Variants in ATP8A2 observed in about 807,000 individuals in gnomAD.
The protein encoded by ATP8A2 is phospholipid-transporting ATPase IB.
In ATP8A2, 100 loss-of-function variants were observed where a neutral mutation model predicts 165.6. The observed-to-expected ratio is 0.60, with a 90% confidence interval of 0.51 to 0.71. ATP8A2 has a LOEUF of 0.71. Among genes scored for constraint, ATP8A2 ranks in the 30% least tolerant of loss-of-function variants. ATP8A2 has a pLI of 0.00. For synonymous variants in ATP8A2, 543 were observed against 548.8 expected, an observed-to-expected ratio of 0.99 and a Z score of 0.15; for missense variants, 1,227 against 1,479.5, an observed-to-expected ratio of 0.83 and a Z score of 2.80.
At chr13:25,642,040 G>C (rs9511853) in intron 24 of ATP8A2, among the ~76,000 whole-genome samples, 150,673 of 152,328 alleles carry the variant, frequency 0.99, 74,530 homozygotes, top group East Asian at 1. Context: ...GGAAAACTGG[G>C]TAGCCATATG....
intron 33 of ATP8A2, among the ~76,000 whole-genome samples, chr13:25,955,407 G>T (rs1444138576): frequency 6.6e-6 from 1 of 151,922 alleles, no homozygotes; most frequent in Non-Finnish European, 1.5e-5. Flanking sequence ...AAAGAGAGAA[G>T]AATCAAATAG....
At chr13:25,651,589 G>A (rs1170172252) in intron 24 of ATP8A2, among the ~76,000 whole-genome samples, 1 of 151,656 alleles carries the variant, frequency 6.6e-6, no homozygotes, top group Non-Finnish European at 1.5e-5. Flanking sequence ...TATGACTATA[G>A]CATCTCTCAG....
chr13:25,470,629 A>C (rs1299704042), intron 2 of ATP8A2, among the ~76,000 whole-genome samples: 1 of 152,226 alleles, frequency 6.6e-6, no homozygotes, highest in Non-Finnish European at 1.5e-5. Flanking sequence ...AGAGAAATGA[A>C]AACCTACGTC....
rs546940389 is a variant in ATP8A2, at chr13:25,933,567, A to G, written c.3184-28008A>G. ...TGACAGCAGTGATCGTGATTACACT[A>G]GGACGTAGGTAGGTGCCTATCAGTC... On this transcript the variant is annotated intron_variant, in intron 33 of 36. Transcript: ENST00000381655. Among the ~76,000 whole-genome samples the G allele has an allele frequency of 4.6e-5, 7 of 152,342 alleles. 1 individual carries two copies. Among genetic ancestry groups the G allele is most frequent in the South Asian group, 4.1e-4 (2 of 4,826 alleles).
At chr13:25,719,595 G>T (rs3132355) in intron 25 of ATP8A2, among the ~76,000 whole-genome samples, 36,844 of 152,094 alleles carry the variant, frequency 0.24, 6,702 homozygotes, top group African/African-American at 0.51. Flanking sequence ...TTTGAGATGA[G>T]ATGGCAGATA....
chr13:25,850,356 C>T (rs1310270823), intron 30 of ATP8A2, among the ~76,000 whole-genome samples: 1 of 151,984 alleles, frequency 6.6e-6, no homozygotes, highest in Non-Finnish European at 1.5e-5. Context: ...TACATTTGAC[C>T]CCTGCTGACC....
intron 33 of ATP8A2, among the ~76,000 whole-genome samples, chr13:25,924,978 A>G (rs1343497464): frequency 6.6e-6 from 1 of 152,174 alleles, no homozygotes; most frequent in Non-Finnish European, 1.5e-5. Context: ...TGAGTCCGTT[A>G]AACCTCTTTT....
chr13:25,465,943 T>C lies in ATP8A2; in HGVS notation c.77-3034T>C, dbSNP rs546972374. Among the ~76,000 whole-genome samples, 8 of 151,774 alleles carry C rather than the reference T, an allele frequency of 5.3e-5. 1 individual carries two copies. In the East Asian group the frequency reaches 1.6e-3, roughly 30 times the overall value. Reference sequence around the variant, plus strand: ...CCCAGCTGAGGGTTTTCTTTTCAGATGTTTCTTATGTCCATCCTTTTATCC... The same window carrying C: ...CCCAGCTGAGGGTTTTCTTTTCAGACGTTTCTTATGTCCATCCTTTTATCC... On this transcript the variant is annotated intron_variant, in intron 1 of 36. Transcript: ENST00000381655.
chr13:25,372,161 C>CT lies in ATP8A2; in HGVS notation c.-52_-51insT. The CT allele has an allele frequency of 7.6e-7, 1 of 1,320,714 alleles. No individual in the cohort carries two copies. The highest frequency in any genetic ancestry group is 2.8e-5 in the Admixed American group (1 of 35,404). The allele number at this position is 1,320,714 out of a possible 1,614,324, so 81.8% of individuals were successfully genotyped here. A position where few individuals can be genotyped will look rare whatever the true frequency, so the allele number is the denominator to read the frequency against. ...GCGGCGGCCCCTGCGCCCAGCCCTG[C>CT]GCGTAGCCTCCGTCTCTCGCCCGGG... On this transcript the variant is annotated 5_prime_UTR_variant, in exon 1 of 37. Transcript: ENST00000381655. The surrounding 1 kb of genome is among the most constrained non-coding windows in gnomAD (Gnocchi z 4.8).
chr13:25,840,178 C>G (rs1432361871), intron 30 of ATP8A2, among the ~76,000 whole-genome samples: 1 of 152,080 alleles, frequency 6.6e-6, no homozygotes, highest in East Asian at 1.9e-4. Flanking sequence ...GTGGCAGACT[C>G]GGCGTTTTTT....
intron 24 of ATP8A2, among the ~76,000 whole-genome samples, chr13:25,620,973 T>C (rs999492369): frequency 2.6e-5 from 4 of 152,136 alleles, no homozygotes; most frequent in African/African-American, 9.7e-5. Flanking sequence ...GATGGGAAGT[T>C]CTTTTGAGAG....
chr13:25,991,759 G>A (rs1027339113), intron 35 of ATP8A2, among the ~76,000 whole-genome samples: 6 of 152,084 alleles, frequency 3.9e-5, no homozygotes, highest in African/African-American at 1.4e-4. Context: ...AAGGAGATCT[G>A]GATTTCCAGT....
chr13:25,375,145 A>G (rs2032571964), intron 1 of ATP8A2, among the ~76,000 whole-genome samples: 1 of 152,190 alleles, frequency 6.6e-6, no homozygotes, highest in Non-Finnish European at 1.5e-5. Flanking sequence ...TCTTGCCCGT[A>G]TAGTGCTTAC....
At chr13:25,605,403 T>C (rs1424935560) in intron 24 of ATP8A2, among the ~76,000 whole-genome samples, 4 of 152,084 alleles carry the variant, frequency 2.6e-5, no homozygotes. Context: ...ACATTTAAAA[T>C]TACCCAATTC....
intron 24 of ATP8A2, among the ~76,000 whole-genome samples, chr13:25,623,192 G>C (rs2041016714): frequency 6.6e-6 from 1 of 152,042 alleles, no homozygotes; most frequent in African/African-American, 2.4e-5. Flanking sequence ...AAGACCACCT[G>C]GGCAACATAG....
chr13:25,485,590 T>G (rs947667311), intron 2 of ATP8A2, among the ~76,000 whole-genome samples: 2 of 152,220 alleles, frequency 1.3e-5, no homozygotes, highest in African/African-American at 4.8e-5. Context: ...AGTGAGCTGG[T>G]GTTGAAAGTT....
At chr13:26,008,671 C>G (rs904159155) in intron 35 of ATP8A2, among the ~76,000 whole-genome samples, 1 of 152,076 alleles carries the variant, frequency 6.6e-6, no homozygotes, top group South Asian at 2.1e-4. Context: ...GAAACTACAG[C>G]CCATCAAAGA....
At chr13:25,617,706 A>G (rs926753438) in intron 24 of ATP8A2, among the ~76,000 whole-genome samples, 1 of 152,176 alleles carries the variant, frequency 6.6e-6, no homozygotes, top group Non-Finnish European at 1.5e-5. Flanking sequence ...CATGAAACTT[A>G]CTGAATTATG....
chr13:25,515,920 C>T (rs1379941680), intron 2 of ATP8A2, among the ~76,000 whole-genome samples: 2 of 152,152 alleles, frequency 1.3e-5, no homozygotes, highest in East Asian at 3.9e-4. Context: ...TGGTTTTGTG[C>T]ACTTTGCTAT....
Sources: gnomAD v4.1 joint callset for allele counts (sites outside exome capture counted in the v4.1 genomes callset) on GRCh38, gnomAD v4.1.1 for gene constraint, Gnocchi (gnomAD v3.1) non-coding constraint, MANE v1.5 for transcripts, NCBI Gene and HGNC (gene_info 2026-07-23, HGNC 2026-07-21) for gene names.